The following DCUN1D4 variants were observed in gnomAD, a reference collection of about 807,000 sequenced individuals.
The protein encoded by DCUN1D4 is defective in cullin neddylation 1 domain containing 4, also known as DCN1-like protein 4.
Under a neutral mutation model 47.9 loss-of-function variants are expected in DCUN1D4, and 22 were observed. The ratio of observed to expected loss-of-function variants is 0.46; its 90% CI spans 0.33 to 0.66. DCUN1D4 has a LOEUF of 0.66. Among genes scored for constraint, DCUN1D4 ranks in the 30% least tolerant of loss-of-function variants. The pLI is 0.02. For missense variants in DCUN1D4, 301 were observed against 340.8 expected (o/e 0.88, Z 0.92); for synonymous variants, 121 against 112.2 (o/e 1.08, Z -0.50).
In DCUN1D4 at chr4:51,913,649, T is replaced by C. The variant is rs1734029427; in HGVS notation, c.*65T>C. The C allele has an allele frequency of 1.9e-5, 28 of 1,467,604 alleles. No homozygotes were observed. Among genetic ancestry groups the C allele is most frequent in the South Asian group, 1.4e-4 (12 of 85,542 alleles). The allele number at this position is 1,467,604 out of a possible 1,614,324, so 90.9% of individuals were successfully genotyped here. A position where few individuals can be genotyped will look rare whatever the true frequency, so the allele number is the denominator to read the frequency against. On this transcript the variant is annotated 3_prime_UTR_variant, in exon 11 of 11. Coordinates refer to ENST00000334635, the MANE Select transcript of DCUN1D4 (RefSeq NM_001040402.3). ...GTTTTGTCACCCATTAGCCATAAAT[T>C]GCTGTTTGTATCAAAGCGCATGCTG...
At chr4:51,843,716 G>A in intron 1 of DCUN1D4, 1 of 1,224,142 alleles carries the variant, frequency 8.2e-7, no homozygotes. Context: ...GGGCTGAGTG[G>A]TGCGGGCGGC....
intron 1 of DCUN1D4, among the ~76,000 whole-genome samples, chr4:51,853,170 G>A: frequency 6.6e-6 from 1 of 152,180 alleles, no homozygotes; most frequent in East Asian, 1.9e-4. Context: ...GATGGATGCT[G>A]CCTCCCTTGG....
chr4:51,853,335 T>C (rs1258350910), intron 1 of DCUN1D4, among the ~76,000 whole-genome samples: 1 of 152,228 alleles, frequency 6.6e-6, no homozygotes, highest in Non-Finnish European at 1.5e-5. Context: ...TTTTCTCCTT[T>C]GGCTTTTGTG....
chr4:51,913,146 C>G (rs998475292), intron 9 of DCUN1D4, 144 bp from the exon 10 acceptor site: 1 of 478,574 alleles, frequency 2.1e-6, no homozygotes, highest in Non-Finnish European at 3.7e-6. Context: ...CCCTCACCAT[C>G]CTCCTAGATT....
At chr4:51,858,295 G>A (rs567004741) in intron 1 of DCUN1D4, among the ~76,000 whole-genome samples, 1 of 152,236 alleles carries the variant, frequency 6.6e-6, no homozygotes, top group East Asian at 1.9e-4. Context: ...TTATTATTAG[G>A]GGGAAGAGCG....
chr4:51,834,536 T>G, the DCUN1D4 span, among the ~76,000 whole-genome samples: 3 of 152,162 alleles, frequency 2.0e-5, no homozygotes. Flanking sequence ...TCTATTCTCC[T>G]TCTGAGTCTT....
At chr4:51,905,539 A>G (rs1193550203) in intron 8 of DCUN1D4, among the ~76,000 whole-genome samples, 1 of 152,212 alleles carries the variant, frequency 6.6e-6, no homozygotes, top group African/African-American at 2.4e-5. Context: ...GATTCTTTTA[A>G]ATAAAGCAGC....
chr4:51,902,666 T>C (rs1732301089), intron 8 of DCUN1D4, among the ~76,000 whole-genome samples: 2 of 152,210 alleles, frequency 1.3e-5, no homozygotes, highest in South Asian at 4.1e-4. Flanking sequence ...ATGGATAGCA[T>C]GTGGTTGGAT....
rs886846066 is a variant in DCUN1D4, at chr4:51,913,803, G to C, written c.*219G>C. The C allele has an allele frequency of 2.1e-6, 1 of 474,416 alleles. No individual in the cohort carries two copies. The allele number at this position is 474,416 out of a possible 1,614,324, so 29.4% of individuals were successfully genotyped here. ...GCAGTTTGTATTTACACTACAGATT[G>C]GTGAATTTGCCAACGTCCTCACTGT... On this transcript the variant is annotated 3_prime_UTR_variant, in exon 11 of 11. Coordinates refer to ENST00000334635, the MANE Select transcript of DCUN1D4 (RefSeq NM_001040402.3).
intron 1 of DCUN1D4, among the ~76,000 whole-genome samples, chr4:51,859,073 C>G (rs1247561727): frequency 6.6e-6 from 1 of 152,200 alleles, no homozygotes; most frequent in Non-Finnish European, 1.5e-5. Context: ...CCAAGCTTGC[C>G]TGACTTCCTT....
In DCUN1D4 at chr4:51,915,487, T is replaced by C. The variant is rs575328283; in HGVS notation, c.*1903T>C. ...CAAGCAACAGCTATTAATACTGATG[T>C]GATGGATGCATTTGTTTTGCAGTGG... On this transcript the variant is annotated 3_prime_UTR_variant, in exon 11 of 11. Transcript: ENST00000334635. The C allele has an allele frequency of 1.6e-4, 25 of 152,582 alleles. No homozygotes were observed. The highest frequency in any genetic ancestry group is 5.8e-4 in the African/African-American group (24 of 41,570). The allele number at this position is 152,582 out of a possible 1,614,324, so 9.5% of individuals were successfully genotyped here.
At chr4:51,899,409 C>A in intron 8 of DCUN1D4, 31 bp downstream of exon 8, 1 of 1,567,884 alleles carries the variant, frequency 6.4e-7, no homozygotes, top group South Asian at 1.2e-5. Context: ...CCAGATGTTT[C>A]CCTCTCTTCC....
intron 8 of DCUN1D4, among the ~76,000 whole-genome samples, chr4:51,904,215 C>T (rs1485488337): frequency 3.3e-5 from 5 of 152,068 alleles, no homozygotes; most frequent in African/African-American, 1.2e-4. Flanking sequence ...GATGATTTGG[C>T]CCCACTACTA....
At chr4:51,909,216 A>G (rs1285184531) in intron 8 of DCUN1D4, among the ~76,000 whole-genome samples, 1 of 152,190 alleles carries the variant, frequency 6.6e-6, no homozygotes. Context: ...GGCACAATAT[A>G]TATCACAGCA....
At chr4:51,866,332 G>C (rs765091764) in intron 3 of DCUN1D4, among the ~76,000 whole-genome samples, 1 of 152,120 alleles carries the variant, frequency 6.6e-6, no homozygotes, top group East Asian at 1.9e-4. Flanking sequence ...AGTAGTCCAC[G>C]TTTGACTTTC....
chr4:51,890,060 C>T (rs528426044), intron 6 of DCUN1D4, among the ~76,000 whole-genome samples: 3 of 145,516 alleles, frequency 2.1e-5, no homozygotes, highest in Admixed American at 2.0e-4. Context: ...ACCATAAAGT[C>T]AGCATCAAGC....
intron 7 of DCUN1D4, 70 bp from the exon 8 acceptor site, chr4:51,899,200 A>C: frequency 6.8e-7 from 1 of 1,472,336 alleles, no homozygotes. Context: ...TTGTGTTTAT[A>C]TTACTGCCTC....
intron 1 of DCUN1D4, among the ~76,000 whole-genome samples, chr4:51,852,961 G>A (rs1723585502): frequency 6.6e-6 from 1 of 152,138 alleles, no homozygotes; most frequent in Admixed American, 6.5e-5. Context: ...TTTTTACTGT[G>A]AACTACCCAG....
intron 7 of DCUN1D4, among the ~76,000 whole-genome samples, chr4:51,893,046 G>A (rs893251147): frequency 2.6e-5 from 4 of 152,190 alleles, no homozygotes; most frequent in Non-Finnish European, 1.5e-5. Context: ...ATGCCTCATA[G>A]CTACTTTGTG....
Sources: gnomAD v4.1 joint callset for allele counts (sites outside exome capture counted in the v4.1 genomes callset) on GRCh38, gnomAD v4.1.1 for gene constraint, MANE v1.5 for transcripts, NCBI Gene and HGNC (gene_info 2026-07-23, HGNC 2026-07-21) for gene names.